The following AMZ1 variants were observed in gnomAD, a reference collection of about 807,000 sequenced individuals.
AMZ1 encodes the protein archaemetzincin-1.
AMZ1 carries 39 observed loss-of-function variants against 29.9 expected under a neutral mutation model. The observed-to-expected ratio is 1.30, with a 90% CI of 1.01 to 1.70. AMZ1 has a LOEUF of 1.70. Among genes scored for constraint, AMZ1 ranks in the 40% most tolerant of loss-of-function variants. The pLI is 0.00. For synonymous variants in AMZ1, 458 were observed against 304.0 expected, an observed-to-expected ratio of 1.51 and a Z score of -5.27; for missense variants, 1,041 against 680.6, an observed-to-expected ratio of 1.53 and a Z score of -5.89.
chr7:2,704,275 G>T (rs1788223357), intron 3 of AMZ1, among the ~76,000 whole-genome samples: 1 of 152,158 alleles, frequency 6.6e-6, no homozygotes. Context: ...GGCTGAGGTG[G>T]GAGGATAGCT....
intron 3 of AMZ1, 119 bp from the exon 4 acceptor site, chr7:2,708,469 T>G: frequency 1.4e-6 from 2 of 1,479,402 alleles, no homozygotes; most frequent in Non-Finnish European, 1.8e-6. Flanking sequence ...GGCCCACACC[T>G]GACTTGGGAA....
intron 1 of AMZ1, among the ~76,000 whole-genome samples, chr7:2,696,312 A>G (rs1270860473): frequency 3.5e-5 from 5 of 141,336 alleles, no homozygotes; most frequent in Non-Finnish European, 6.0e-5. Context: ...GCTGGAGTGC[A>G]GTGGTGCGAT....
At chr7:2,685,297 C>T (rs1787036312), upstream of AMZ1, among the ~76,000 whole-genome samples, 2 of 146,234 alleles carry the variant, frequency 1.4e-5, no homozygotes, top group South Asian at 2.1e-4. Flanking sequence ...GTGGCTCACG[C>T]CTGTAATCCC....
At chr7:2,743,693 C>G (rs1046695118) in intron 4 of AMZ1, among the ~76,000 whole-genome samples, 1 of 152,132 alleles carries the variant, frequency 6.6e-6, no homozygotes, top group African/African-American at 2.4e-5. Flanking sequence ...GTGGGCGCAG[C>G]GCACTGTGCG....
chr7:2,723,819 G>A (rs949967340), downstream of AMZ1, among the ~76,000 whole-genome samples: 7 of 152,222 alleles, frequency 4.6e-5, no homozygotes, highest in Admixed American at 1.3e-4. Flanking sequence ...GCTGGGCCTG[G>A]AGGACTTTAC....
At chr7:2,703,155 T>G (rs187945393) in intron 3 of AMZ1, among the ~76,000 whole-genome samples, 16 of 152,102 alleles carry the variant, frequency 1.1e-4, no homozygotes, top group African/African-American at 3.4e-4. Flanking sequence ...TCTTTTTTTG[T>G]TATTTTTTTG....
chr7:2,702,329 C>G (rs1352773554), intron 2 of AMZ1: 1 of 192,006 alleles, frequency 5.2e-6, no homozygotes. Flanking sequence ...CAGCCTGGCT[C>G]TGTGTCCTGC....
chr7:2,686,739 A>T (rs1275058931), upstream of AMZ1, among the ~76,000 whole-genome samples: 2 of 151,402 alleles, frequency 1.3e-5, no homozygotes, highest in African/African-American at 4.9e-5. Flanking sequence ...TTTTGAAACA[A>T]AGTCTTGCTT....
intron 4 of AMZ1, among the ~76,000 whole-genome samples, chr7:2,736,076 C>T (rs190882467): frequency 6.6e-6 from 1 of 152,318 alleles, no homozygotes; most frequent in East Asian, 1.9e-4. Flanking sequence ...TCAAGTCTTA[C>T]AGCAGCAGCT....
chr7:2,752,876 C>T (rs752334401), intron 4 of AMZ1, among the ~76,000 whole-genome samples: 1 of 152,162 alleles, frequency 6.6e-6, no homozygotes, highest in African/African-American at 2.4e-5. Context: ...AGGGAACTGA[C>T]GTTAGTACAA....
downstream of AMZ1, among the ~76,000 whole-genome samples, chr7:2,721,120 C>T (rs972052798): frequency 6.6e-6 from 1 of 152,210 alleles, no homozygotes; most frequent in Non-Finnish European, 1.5e-5. Flanking sequence ...TGAAGACACA[C>T]TGGGTGGCGC....
At chr7:2,739,736 C>T (rs184998891) in intron 4 of AMZ1, among the ~76,000 whole-genome samples, 32 of 152,186 alleles carry the variant, frequency 2.1e-4, no homozygotes, top group Admixed American at 5.9e-4. Context: ...TGTAGTGGTG[C>T]GATCTTGGCT....
At chr7:2,744,433 C>A (rs866111141) in intron 4 of AMZ1, among the ~76,000 whole-genome samples, 37 of 152,320 alleles carry the variant, frequency 2.4e-4, no homozygotes, top group Middle Eastern at 6.8e-3. Context: ...CTCTAGCAAA[C>A]TCCAACAGAC....
intron 4 of AMZ1, among the ~76,000 whole-genome samples, chr7:2,749,626 C>G (rs1053968523): frequency 6.6e-6 from 1 of 151,634 alleles, no homozygotes; most frequent in Non-Finnish European, 1.5e-5. Context: ...CAAACCTGCA[C>G]GTTGTGCACA....
chr7:2,699,141 G>A (rs891051551), intron 1 of AMZ1, among the ~76,000 whole-genome samples: 1 of 152,046 alleles, frequency 6.6e-6, no homozygotes, highest in Admixed American at 6.6e-5. Context: ...TATCTGTTCT[G>A]CGAGGCTTCC....
chr7:2,723,496 T>G (rs1789502783), downstream of AMZ1, among the ~76,000 whole-genome samples: 1 of 152,214 alleles, frequency 6.6e-6, no homozygotes, highest in African/African-American at 2.4e-5. Flanking sequence ...GGAAACACAT[T>G]GGTGGCGAAG....
rs1285682615 is a variant in AMZ1, at chr7:2,717,120, C to A, written c.*4242C>A. Among the ~76,000 whole-genome samples, 1 of 152,234 alleles carries A rather than the reference C, an allele frequency of 6.6e-6. No individual in the cohort carries two copies. The highest frequency in any genetic ancestry group is 1.5e-5 in the Non-Finnish European group (1 of 68,046). On this transcript the variant is annotated 3_prime_UTR_variant, in exon 7 of 7. Coordinates refer to ENST00000683327, the MANE Select transcript of AMZ1 (RefSeq NM_001384743.1). ...TAACCAGGAGGCTTTCTGGCCCGTG[C>A]AGCTCCTTCGGACTCTGAGGAGAGG...
At chr7:2,679,748 T>A (rs1367667226) in intron 1 of AMZ1, 1 of 152,210 alleles carries the variant, frequency 6.6e-6, no homozygotes, top group Non-Finnish European at 1.5e-5. Context: ...AGCCTAAATG[T>A]GGGGTGGGAG....
At chr7:2,745,649 G>A (rs1406076965) in intron 4 of AMZ1, among the ~76,000 whole-genome samples, 1 of 152,170 alleles carries the variant, frequency 6.6e-6, no homozygotes, top group Admixed American at 6.5e-5. Context: ...ATAATGACAG[G>A]ATCAAATTCA....
Sources: gnomAD v4.1 joint callset for allele counts (sites outside exome capture counted in the v4.1 genomes callset) on GRCh38, gnomAD v4.1.1 for gene constraint, MANE v1.5 for transcripts, NCBI Gene and HGNC (gene_info 2026-07-23, HGNC 2026-07-21) for gene names.